PKHD1: variants seen among roughly 807,000 people sequenced by gnomAD.
PKHD1 encodes the protein PKHD1 ciliary IPT domain containing fibrocystin/polyductin.
PKHD1 carries 291 observed loss-of-function variants against 412.0 expected under a neutral mutation model. That is an observed-to-expected ratio of 0.71 (90% CI 0.64 to 0.78). The LOEUF (loss-of-function observed/expected upper bound fraction) is 0.78. Ranked by LOEUF, PKHD1 falls within the 30% of genes least tolerant of loss-of-function variation. PKHD1 has a pLI of 0.00. For missense variants in PKHD1, 4,825 were observed against 4,950.7 expected, an observed-to-expected ratio of 0.97 and a Z score of 0.76; for synonymous variants, 1,777 against 1,821.5, an observed-to-expected ratio of 0.98 and a Z score of 0.62.
In PKHD1 at chr6:52,074,464, A is replaced by C. The variant is rs145564836; in HGVS notation, c.449-923T>G. Among the ~76,000 whole-genome samples the C allele has an allele frequency of 2.2e-4, 33 of 152,338 alleles. No individual in the cohort carries two copies. In the East Asian group the frequency reaches 6.4e-3, roughly 29 times the overall value. On this transcript the variant is annotated intron_variant, in intron 6 of 66. Transcript: ENST00000371117. ...CAAGTTTCCTGTTACTGCTAAAAAA[A>C]ATCTGGCAGAATAATTCTAATTTTA... is the stretch of plus-strand genomic sequence containing the variant.
chr6:51,642,298 T>C (rs1280827873), intron 63 of PKHD1, among the ~76,000 whole-genome samples: 3 of 152,120 alleles, frequency 2.0e-5, no homozygotes, highest in African/African-American at 7.2e-5. Flanking sequence ...GTATAAATAA[T>C]GTGCAAAGTG....
At position 52,085,099 on chromosome 6, in the gene PKHD1, T is replaced by C; in HGVS notation, c.-84-82A>G. 3 of 626,264 alleles carry C rather than the reference T, an allele frequency of 4.8e-6. No homozygotes were observed. The South Asian group carries it at 5.3e-5, about 11-fold the overall frequency. 38.8% of individuals were successfully genotyped at this position (626,264 alleles called of 1,614,324 possible). ...TTTGCTGTTCTGAAACCTGGGAAAT[T>C]AAGGAGATGAGATAAACATGGCCTT... On this transcript the variant is annotated intron_variant, in intron 1 of 66. Transcript: ENST00000371117.
rs1769041628 is a variant in PKHD1, at chr6:51,835,471, T to G, written c.8173+933A>C. On this transcript the variant is annotated intron_variant, in intron 51 of 66. Transcript: ENST00000371117. The stretch of plus-strand genomic sequence containing the variant: ...TAGTTTGACTGACATCCCCAAGAGA[T>G]CATAAGACCCCATAAAGTCAAAGTT... Among the ~76,000 whole-genome samples, 3 of 152,190 alleles carry G rather than the reference T, an allele frequency of 2.0e-5. No homozygotes were observed. The South Asian group carries it at 6.2e-4, about 32-fold the overall frequency.
intron 35 of PKHD1, among the ~76,000 whole-genome samples, chr6:52,008,023 C>T (rs532410153): frequency 6.6e-6 from 1 of 152,118 alleles, no homozygotes; most frequent in Non-Finnish European, 1.5e-5. Flanking sequence ...ATAGACTGTT[C>T]GAAACTATGA....
intron 35 of PKHD1, among the ~76,000 whole-genome samples, chr6:51,998,062 G>A (rs182138204): frequency 1.5e-3 from 226 of 152,272 alleles, no homozygotes; most frequent in Non-Finnish European, 2.5e-3. Context: ...TGCACGTGGC[G>A]ATAAATAATC....
chr6:51,994,585 T>C (rs937691733), intron 35 of PKHD1, among the ~76,000 whole-genome samples: 15 of 152,146 alleles, frequency 9.9e-5, no homozygotes, highest in Non-Finnish European at 4.4e-5. Flanking sequence ...TGTTGTTTGT[T>C]TTTTTCCTTG....
chr6:51,922,811 G>T (rs1354617372), intron 37 of PKHD1, among the ~76,000 whole-genome samples: 1 of 152,150 alleles, frequency 6.6e-6, no homozygotes, highest in Non-Finnish European at 1.5e-5. Context: ...GCAGCACTAG[G>T]GTGGGAGTGT....
chr6:51,741,149 T>C, intron 60 of PKHD1: 1 of 518,918 alleles, frequency 1.9e-6, no homozygotes, highest in South Asian at 1.4e-5. Flanking sequence ...AGCAAGAACA[T>C]ATTTGTGCCT....
chr6:51,932,006 G>T (rs996041543), intron 37 of PKHD1, among the ~76,000 whole-genome samples: 1 of 152,064 alleles, frequency 6.6e-6, no homozygotes, highest in Non-Finnish European at 1.5e-5. Flanking sequence ...AGAGGAGAAA[G>T]AGGAAGGAGG....
intron 35 of PKHD1, among the ~76,000 whole-genome samples, chr6:51,995,483 A>G (rs1050916094): frequency 6.6e-6 from 1 of 152,196 alleles, no homozygotes; most frequent in Non-Finnish European, 1.5e-5. Context: ...CTTAAACGTA[A>G]ACCATGTTTT....
intron 52 of PKHD1, among the ~76,000 whole-genome samples, chr6:51,793,534 G>A (rs539830204): frequency 1.2e-4 from 18 of 152,178 alleles, no homozygotes; most frequent in African/African-American, 4.3e-4. Flanking sequence ...CCCTCTGACA[G>A]ACCCCAGTGT....
chr6:51,983,582 C>G (rs1264663568), intron 35 of PKHD1, among the ~76,000 whole-genome samples: 1 of 152,226 alleles, frequency 6.6e-6, no homozygotes, highest in Non-Finnish European at 1.5e-5. Flanking sequence ...GGAATATAAA[C>G]TTGAAACCTA....
intron 52 of PKHD1, among the ~76,000 whole-genome samples, chr6:51,823,277 C>T (rs1766761563): frequency 6.6e-6 from 1 of 151,892 alleles, no homozygotes; most frequent in African/African-American, 2.4e-5. Flanking sequence ...GAGCACATAC[C>T]AAAATAAAAC....
chr6:51,909,388 G>C lies in PKHD1; in HGVS notation c.6577C>G (p.Pro2193Ala). 6.2e-7 allele frequency: 1 copy of C among 1,613,402 alleles called. No individual in the cohort carries two copies. The highest frequency in any genetic ancestry group is 8.5e-7 in the Non-Finnish European group (1 of 1,179,540). Residue 2193 changes from proline (P) to alanine (A), a missense_variant, in exon 40 of 67, where the codon CCA becomes GCA. Pro to Ala is a conservative substitution (Grantham distance 27). Transcript: ENST00000371117. ...MGARVIVQSF[P>A]EEPSQVQLKG... ...AACTGGACCTGGCTGGGCTCTTCTG[G>C]GAAGGACTGAACGATCACTCTGGCT...
At chr6:51,669,229 T>C (rs1468758689) in intron 60 of PKHD1, among the ~76,000 whole-genome samples, 2 of 152,160 alleles carry the variant, frequency 1.3e-5, no homozygotes, top group Admixed American at 1.3e-4. Flanking sequence ...TCAGCTCCTG[T>C]TATTGGTCTA....
chr6:51,822,516 A>G (rs1766612018), intron 52 of PKHD1, among the ~76,000 whole-genome samples: 1 of 152,084 alleles, frequency 6.6e-6, no homozygotes, highest in African/African-American at 2.4e-5. Context: ...GCTGACTTCT[A>G]CCCAATCCTT....
chr6:51,945,246 T>C (rs1028650261), intron 36 of PKHD1, among the ~76,000 whole-genome samples: 1 of 152,180 alleles, frequency 6.6e-6, no homozygotes, highest in Non-Finnish European at 1.5e-5. Context: ...GCATTGTAAA[T>C]AGTCAGGAAA....
At chr6:52,062,202 A>G (rs1040628355) in intron 14 of PKHD1, among the ~76,000 whole-genome samples, 1 of 152,242 alleles carries the variant, frequency 6.6e-6, no homozygotes, top group African/African-American at 2.4e-5. Flanking sequence ...CCTCTTAACC[A>G]GGTACCTAAA....
chr6:51,619,656 A>G (rs1766363629), intron 66 of PKHD1, 136 bp from the exon 67 acceptor site: 2 of 712,242 alleles, frequency 2.8e-6, no homozygotes, highest in Non-Finnish European at 4.7e-6. Context: ...ATTTCCAAAT[A>G]TCTTTTATCA....
Sources: allele counts gnomAD v4.1 joint callset (sites outside exome capture counted in the v4.1 genomes callset), GRCh38; gene constraint gnomAD v4.1.1; transcripts MANE v1.5; gene names NCBI Gene and HGNC (gene_info 2026-07-23, HGNC 2026-07-21).